The following CDH8 variants were observed in gnomAD, a reference collection of about 807,000 sequenced individuals.
The protein encoded by CDH8 is cadherin 8.
CDH8 carries 17 observed loss-of-function variants against 68.1 expected under a neutral mutation model. The observed-to-expected ratio is 0.25, with a 90% CI of 0.17 to 0.37. The LOEUF is 0.37. Ranked by LOEUF, CDH8 falls within the 10% of genes least tolerant of loss-of-function variation. CDH8 has a pLI of 1.00. For synonymous variants in CDH8, 372 were observed against 365.1 expected (o/e 1.02, Z -0.21); for missense variants, 763 against 999.3 (o/e 0.76, Z 3.19).
At chr16:61,761,406 T>C (rs948430988) in intron 8 of CDH8, among the ~76,000 whole-genome samples, 3 of 152,178 alleles carry the variant, frequency 2.0e-5, no homozygotes, top group Non-Finnish European at 4.4e-5. Context: ...TTATAGTCTT[T>C]GATGATAACT....
chr16:61,945,167 C>T (rs1964781856), intron 2 of CDH8, among the ~76,000 whole-genome samples: 1 of 152,104 alleles, frequency 6.6e-6, no homozygotes, highest in Non-Finnish European at 1.5e-5. Context: ...TTAGCAAATT[C>T]TTAAACTTTT....
Position 61,647,684 on chromosome 16 carries a change from T to G in CDH8, c.*5924A>C, listed in dbSNP as rs922629807. 1.6e-6 allele frequency: 1 copy of G among 634,024 alleles called. No individual in the cohort carries two copies. The highest frequency in any genetic ancestry group is 2.8e-6 in the Non-Finnish European group (1 of 355,826). The allele number at this position is 634,024 out of a possible 1,614,324, so 39.3% of individuals were successfully genotyped here. On this transcript the variant is annotated 3_prime_UTR_variant, in exon 12 of 12. Transcript: ENST00000577390. ...TCTTAGAGCATAATTGTTAAAATTT[T>G]CCTCTTATTTTTGAGGAATCATAGG...
intron 9 of CDH8, chr16:61,725,715 C>T (rs987929949): frequency 1.3e-5 from 2 of 150,672 alleles, no homozygotes; most frequent in Admixed American, 6.6e-5. Flanking sequence ...ATGCTCAAAA[C>T]GTGTGATTGA....
At chr16:61,749,796 A>G (rs1960112328) in intron 8 of CDH8, among the ~76,000 whole-genome samples, 1 of 152,044 alleles carries the variant, frequency 6.6e-6, no homozygotes, top group African/African-American at 2.4e-5. Flanking sequence ...TAATTCCATA[A>G]ACACACCTTT....
chr16:61,788,004 G>T (rs1259860685), intron 8 of CDH8, among the ~76,000 whole-genome samples: 1 of 150,072 alleles, frequency 6.7e-6, no homozygotes, highest in Non-Finnish European at 1.5e-5. Context: ...CGAGTTAGTG[G>T]GTGTAGCGCA....
chr16:61,790,512 C>A (rs1186360410), intron 7 of CDH8, among the ~76,000 whole-genome samples: 2 of 152,002 alleles, frequency 1.3e-5, no homozygotes, highest in Non-Finnish European at 2.9e-5. Flanking sequence ...CTGAAGAAGG[C>A]CTTCATGATT....
At chr16:61,950,552 T>A (rs184383321) in intron 2 of CDH8, among the ~76,000 whole-genome samples, 11 of 152,340 alleles carry the variant, frequency 7.2e-5, no homozygotes, top group African/African-American at 2.4e-4. Context: ...AGAACTACGG[T>A]GTCAAGATAT....
intron 10 of CDH8, chr16:61,693,421 G>A (rs1400608683): frequency 6.6e-6 from 1 of 152,022 alleles, no homozygotes; most frequent in Non-Finnish European, 1.5e-5. Flanking sequence ...AGAAGATATA[G>A]GACCCCAAAG....
chr16:61,886,423 TC>T (rs1963673690), intron 3 of CDH8, among the ~76,000 whole-genome samples: 1 of 152,248 alleles, frequency 6.6e-6, no homozygotes. Flanking sequence ...ATCCCCCTGG[TC>T]ACTGTCATCA....
chr16:61,651,032 T>A lies in CDH8; in HGVS notation c.*2576A>T, dbSNP rs1043537767. 1 of 152,132 alleles carries A rather than the reference T, an allele frequency of 6.6e-6. No individual in the cohort carries two copies. The highest frequency in any genetic ancestry group is 1.5e-5 in the Non-Finnish European group (1 of 68,028). The allele number at this position is 152,132 out of a possible 1,614,324, so 9.4% of individuals were successfully genotyped here. A position where few individuals can be genotyped will look rare whatever the true frequency, so the allele number is the denominator to read the frequency against. ...ACTGTACGAAGATTATCCTGTTGAT[T>A]ACCAATATTTGAGGATACAGATTTT... On this transcript the variant is annotated 3_prime_UTR_variant, in exon 12 of 12. Transcript: ENST00000577390.
intron 8 of CDH8, among the ~76,000 whole-genome samples, chr16:61,778,797 C>A (rs1304235713): frequency 6.6e-6 from 1 of 152,132 alleles, no homozygotes; most frequent in Non-Finnish European, 1.5e-5. Flanking sequence ...ACTCCAACTC[C>A]ATCCAACTCC....
chr16:62,019,569 G>A (rs1902022248), intron 2 of CDH8, among the ~76,000 whole-genome samples: 1 of 152,110 alleles, frequency 6.6e-6, no homozygotes. Flanking sequence ...AGGGTCTGGG[G>A]CAGCACCCTG....
intron 7 of CDH8, among the ~76,000 whole-genome samples, chr16:61,811,472 T>G (rs1267182389): frequency 6.6e-6 from 1 of 152,164 alleles, no homozygotes; most frequent in Non-Finnish European, 1.5e-5. Flanking sequence ...GGTGGAGCTG[T>G]TATGGAAAAT....
chr16:61,904,994 T>C (rs955601574), intron 2 of CDH8, among the ~76,000 whole-genome samples: 2 of 152,248 alleles, frequency 1.3e-5, no homozygotes, highest in African/African-American at 4.8e-5. Flanking sequence ...GCATGCTCCT[T>C]ATGAGAATCT....
chr16:61,923,686 A>C (rs1414129078), intron 2 of CDH8, among the ~76,000 whole-genome samples: 1 of 150,382 alleles, frequency 6.6e-6, no homozygotes, highest in Non-Finnish European at 1.5e-5. Context: ...ATATTGTCTC[A>C]GGTTATTATG....
chr16:61,817,963 A>AT (rs1962119726), intron 6 of CDH8: 1 of 409,758 alleles, frequency 2.4e-6, no homozygotes, highest in Admixed American at 4.0e-5. Context: ...TGTTTTGCTC[A>AT]TTTCACTTGG....
At chr16:61,771,525 A>G (rs964573594) in intron 8 of CDH8, among the ~76,000 whole-genome samples, 9 of 149,570 alleles carry the variant, frequency 6.0e-5, no homozygotes, top group African/African-American at 2.2e-4. Context: ...TTTACAGTGT[A>G]TTAGGGCTGC....
chr16:61,983,208 C>T (rs540204836), intron 2 of CDH8, among the ~76,000 whole-genome samples: 2 of 152,246 alleles, frequency 1.3e-5, no homozygotes, highest in East Asian at 1.9e-4. Context: ...AGTTTAACCT[C>T]ATGTGTACTT....
At chr16:61,708,806 G>C (rs1269844462) in intron 10 of CDH8, among the ~76,000 whole-genome samples, 2 of 152,124 alleles carry the variant, frequency 1.3e-5, no homozygotes, top group Non-Finnish European at 2.9e-5. Context: ...TCTATGATCT[G>C]TCACACCTCC....
Sources: allele counts gnomAD v4.1 joint callset (sites outside exome capture counted in the v4.1 genomes callset), GRCh38; gene constraint gnomAD v4.1.1; transcripts MANE v1.5; gene names NCBI Gene and HGNC (gene_info 2026-07-23, HGNC 2026-07-21).